The following KCNMA1 variants were observed in gnomAD, a reference collection of about 807,000 sequenced individuals.
The protein encoded by KCNMA1 is potassium calcium-activated channel subfamily M alpha 1, also known as Calcium-activated potassium channel subunit alpha-1.
In KCNMA1, 29 loss-of-function variants were observed where a neutral mutation model predicts 140.0. That is an observed-to-expected ratio of 0.21 (90% confidence interval 0.15 to 0.28). The LOEUF is 0.28. KCNMA1 is among the 10% of genes least tolerant of loss of function. KCNMA1 has a pLI of 1.00. For missense variants in KCNMA1, 880 were observed against 1,602.2 expected, an observed-to-expected ratio of 0.55 and a Z score of 7.70; for synonymous variants, 612 against 611.9, an observed-to-expected ratio of 1.00 and a Z score of 0.00.
At chr10:77,606,817 C>T (rs1053293233) in intron 1 of KCNMA1, among the ~76,000 whole-genome samples, 1 of 152,146 alleles carries the variant, frequency 6.6e-6, no homozygotes, top group African/African-American at 2.4e-5. Flanking sequence ...CGTGTTCAGT[C>T]CTTTTAGTCA....
chr10:76,921,401 A>C (rs918265742), intron 23 of KCNMA1, among the ~76,000 whole-genome samples: 1 of 152,248 alleles, frequency 6.6e-6, no homozygotes, highest in African/African-American at 2.4e-5. Flanking sequence ...CCTCAAAGGC[A>C]AATGTCAGAT....
At chr10:76,966,444 G>A (rs1448022892) in intron 20 of KCNMA1, among the ~76,000 whole-genome samples, 3 of 152,138 alleles carry the variant, frequency 2.0e-5, no homozygotes, top group African/African-American at 7.2e-5. Flanking sequence ...GTGGTAAAAG[G>A]GGATCAAGTG....
intron 2 of KCNMA1, among the ~76,000 whole-genome samples, chr10:77,384,815 G>T (rs771451705): frequency 6.6e-6 from 1 of 152,180 alleles, no homozygotes; most frequent in East Asian, 1.9e-4. Flanking sequence ...CTGGAGCCAC[G>T]TATGTTTGAG....
chr10:77,287,047 T>A (rs1387052214), intron 2 of KCNMA1, among the ~76,000 whole-genome samples: 1 of 152,162 alleles, frequency 6.6e-6, no homozygotes, highest in East Asian at 1.9e-4. Context: ...AGGAAGGGTG[T>A]GTATACATGG....
At chr10:77,430,727 C>T (rs574038050) in intron 1 of KCNMA1, among the ~76,000 whole-genome samples, 8 of 152,312 alleles carry the variant, frequency 5.3e-5, no homozygotes, top group African/African-American at 1.9e-4. Flanking sequence ...TACATCATGT[C>T]CATGCACCTG....
At chr10:77,629,719 G>C (rs186011658) in intron 1 of KCNMA1, among the ~76,000 whole-genome samples, 2 of 152,258 alleles carry the variant, frequency 1.3e-5, no homozygotes, top group African/African-American at 4.8e-5. Context: ...GTCAGAACTG[G>C]GTCTTAATTA....
At chr10:77,112,802 C>A (rs2097356792) in intron 6 of KCNMA1, among the ~76,000 whole-genome samples, 1 of 151,572 alleles carries the variant, frequency 6.6e-6, no homozygotes. Context: ...TTTCTCTTAT[C>A]CCCCCCGCCC....
downstream of KCNMA1, chr10:76,884,120 C>G: frequency 3.3e-6 from 1 of 306,858 alleles, no homozygotes; most frequent in Non-Finnish European, 4.8e-6. Flanking sequence ...GTATATAAAA[C>G]GCACTTCGGA....
At chr10:77,371,370 C>T (rs1438476116) in intron 2 of KCNMA1, among the ~76,000 whole-genome samples, 2 of 152,144 alleles carry the variant, frequency 1.3e-5, no homozygotes, top group Non-Finnish European at 2.9e-5. Context: ...TAGGAATCTT[C>T]AACAGCTGCA....
chr10:77,328,687 G>T (rs1291018560), intron 2 of KCNMA1, among the ~76,000 whole-genome samples: 4 of 152,100 alleles, frequency 2.6e-5, no homozygotes, highest in Admixed American at 2.0e-4. Context: ...GATGCAAATG[G>T]TATCAACAAA....
At chr10:76,924,038 G>T (rs1369560598) in intron 23 of KCNMA1, among the ~76,000 whole-genome samples, 1 of 152,082 alleles carries the variant, frequency 6.6e-6, no homozygotes, top group Non-Finnish European at 1.5e-5. Context: ...TACTTGCTTG[G>T]CCAGTGTGGA....
intron 3 of KCNMA1, among the ~76,000 whole-genome samples, chr10:77,228,823 G>A (rs893580660): frequency 6.6e-6 from 1 of 152,150 alleles, no homozygotes; most frequent in Admixed American, 6.5e-5. Context: ...ATGTGGCATT[G>A]GTCCAAAGCC....
intron 1 of KCNMA1, among the ~76,000 whole-genome samples, chr10:77,533,800 T>C (rs1336651058): frequency 6.6e-6 from 1 of 152,194 alleles, no homozygotes; most frequent in Admixed American, 6.5e-5. Flanking sequence ...ATCAGAAGGA[T>C]GAACTGTGGG....
chr10:77,077,429 G>T (rs898891931), intron 13 of KCNMA1, among the ~76,000 whole-genome samples: 7 of 152,296 alleles, frequency 4.6e-5, no homozygotes, highest in Admixed American at 6.5e-5. Context: ...ACAGAGGTTT[G>T]CCAAACACAT....
intron 2 of KCNMA1, among the ~76,000 whole-genome samples, chr10:77,382,410 C>T (rs2154430218): frequency 6.6e-6 from 1 of 152,290 alleles, no homozygotes. Flanking sequence ...AGCAGCTTGT[C>T]CAAGATGACA....
chr10:77,156,334 T>C (rs1353982399), intron 5 of KCNMA1, among the ~76,000 whole-genome samples: 1 of 151,470 alleles, frequency 6.6e-6, no homozygotes, highest in Non-Finnish European at 1.5e-5. Context: ...TCTTAGGAGG[T>C]AAAAGTTACA....
intron 27 of KCNMA1, among the ~76,000 whole-genome samples, chr10:76,888,941 C>T (rs1224183035): frequency 6.6e-6 from 1 of 152,078 alleles, no homozygotes; most frequent in African/African-American, 2.4e-5. Flanking sequence ...TGCCTATAAT[C>T]CCAGCTACTC....
intron 1 of KCNMA1, chr10:77,636,489 C>A: frequency 6.5e-7 from 1 of 1,536,196 alleles, no homozygotes; most frequent in Non-Finnish European, 8.7e-7. Context: ...CTGCTGGTGG[C>A]ATTTCCGGGG....
chr10:76,917,164 A>C (rs1482327556), intron 23 of KCNMA1, among the ~76,000 whole-genome samples: 2 of 152,250 alleles, frequency 1.3e-5, no homozygotes, highest in African/African-American at 4.8e-5. Flanking sequence ...AAAAACATGA[A>C]AAACTGGAAG....
Sources: allele counts gnomAD v4.1 joint callset (sites outside exome capture counted in the v4.1 genomes callset), GRCh38; gene constraint gnomAD v4.1.1; transcripts MANE v1.5; gene names NCBI Gene and HGNC (gene_info 2026-07-23, HGNC 2026-07-21).